Variants in IGSF11 observed in about 807,000 individuals in gnomAD.
IGSF11 encodes the protein immunoglobulin superfamily member 11, also known as CXADR like 1.
A neutral mutation model predicts 41.0 loss-of-function variants in IGSF11; 22 were observed. That is an observed-to-expected ratio of 0.54 (90% CI 0.38 to 0.77). The LOEUF is 0.77. Among genes scored for constraint, IGSF11 ranks in the 30% least tolerant of loss-of-function variants. The pLI, the probability that IGSF11 is intolerant of heterozygous loss-of-function variation, is 0.00. For missense variants in IGSF11, 444 were observed against 530.8 expected (o/e 0.84, Z 1.61); for synonymous variants, 219 against 201.3 (o/e 1.09, Z -0.74).
chr3:119,124,018 G>T (rs1228809998), intron 1 of IGSF11, among the ~76,000 whole-genome samples: 1 of 152,022 alleles, frequency 6.6e-6, no homozygotes, highest in East Asian at 1.9e-4. Context: ...GCTAAATAAG[G>T]CACCAGGGAC....
chr3:118,913,651 G>A (rs973221730), intron 4 of IGSF11, among the ~76,000 whole-genome samples: 2 of 152,164 alleles, frequency 1.3e-5, no homozygotes, highest in Non-Finnish European at 2.9e-5. Context: ...ACCTACTGAA[G>A]GGTGTGTGTA....
Position 118,902,745 on chromosome 3 carries a change from AATGG to A in IGSF11, c.1067_1070del (p.Ser356PhefsTer17), listed in dbSNP as rs771304707. On this transcript the variant is annotated frameshift_variant, in exon 7 of 7. Coordinates refer to ENST00000393775, the MANE Select transcript of IGSF11 (RefSeq NM_001015887.3). LOFTEE classifies it high-confidence loss of function. Reference sequence around the variant, plus strand: ...GGACCAGATGGGTCCCATTAGCATAAATGGATGGTATGTTGGCATTGCCTGAGTG... The same window carrying A: ...GGACCAGATGGGTCCCATTAGCATAAATGGTATGTTGGCATTGCCTGAGTG... 6.2e-7 allele frequency: 1 copy of A among 1,614,116 alleles called. No individual in the cohort carries two copies. The highest frequency in any genetic ancestry group is 8.5e-7 in the Non-Finnish European group (1 of 1,179,996).
At chr3:119,121,281 CAAAGAGGTAAAGGAACCATGAGT>C (rs2077330730) in intron 1 of IGSF11, among the ~76,000 whole-genome samples, 1 of 151,858 alleles carries the variant, frequency 6.6e-6, no homozygotes, top group African/African-American at 2.4e-5. Context: ...TTAATGTGTC[CAAAGAGGTAAAGGAACCATGAGT>C]AAAGAGCTAA....
At chr3:118,916,674 C>T (rs1159369101) in intron 4 of IGSF11, among the ~76,000 whole-genome samples, 9 of 151,762 alleles carry the variant, frequency 5.9e-5, no homozygotes, top group Admixed American at 1.3e-4. Flanking sequence ...TTTAACACCC[C>T]ACTGTCAACA....
At chr3:119,086,934 G>A (rs1367443847) in intron 1 of IGSF11, among the ~76,000 whole-genome samples, 1 of 152,168 alleles carries the variant, frequency 6.6e-6, no homozygotes, top group South Asian at 2.1e-4. Flanking sequence ...TGGGCCAAAA[G>A]CCCCACTTAA....
chr3:118,988,411 C>T (rs922910963), intron 1 of IGSF11, among the ~76,000 whole-genome samples: 93 of 152,264 alleles, frequency 6.1e-4, no homozygotes, highest in Admixed American at 5.2e-4. Flanking sequence ...CAGAGTCATA[C>T]AGTTAGTTGC....
intron 4 of IGSF11, among the ~76,000 whole-genome samples, chr3:118,917,349 A>G (rs1007688787): frequency 3.3e-5 from 5 of 150,770 alleles, no homozygotes; most frequent in Non-Finnish European, 7.4e-5. Context: ...AACAAAATTG[A>G]TAGACCACTA....
chr3:118,995,077 G>A (rs1011344897), intron 1 of IGSF11, among the ~76,000 whole-genome samples: 1 of 152,220 alleles, frequency 6.6e-6, no homozygotes, highest in Non-Finnish European at 1.5e-5. Flanking sequence ...CTATGCATAT[G>A]CTACAAATTT....
Position 119,034,609 on chromosome 3 carries a change from C to T in IGSF11, c.-27G>A, listed in dbSNP as rs1940762347. On this transcript the variant is annotated 5_prime_UTR_variant, in exon 1 of 7. Coordinates refer to ENST00000393775, the MANE Select transcript of IGSF11 (RefSeq NM_001015887.3). ...CCGGGGCCGCAGGGAGCGCGCCTGCCTCCTACCCGGCTCCCGGTCGCAACA... is the reference window on the plus strand; with the variant it reads ...CCGGGGCCGCAGGGAGCGCGCCTGCTTCCTACCCGGCTCCCGGTCGCAACA... 1.9e-6 allele frequency: 3 copies of T among 1,570,478 alleles called. No homozygotes were observed. The highest frequency in any genetic ancestry group is 2.6e-6 in the Non-Finnish European group (3 of 1,160,000).
At chr3:119,083,443 T>C (rs2076617179) in intron 1 of IGSF11, among the ~76,000 whole-genome samples, 1 of 151,960 alleles carries the variant, frequency 6.6e-6, no homozygotes, top group African/African-American at 2.4e-5. Flanking sequence ...CCTCCTTTCC[T>C]ATCCCTCCTG....
intron 1 of IGSF11, among the ~76,000 whole-genome samples, chr3:119,015,393 C>A (rs1938574488): frequency 6.6e-6 from 1 of 152,206 alleles, no homozygotes. Flanking sequence ...CCCACTACAA[C>A]CCTGTCACTT....
intron 1 of IGSF11, 69 bp from the exon 2 acceptor site, chr3:118,930,344 T>A (rs1279699666): frequency 1.7e-5 from 25 of 1,447,112 alleles, no homozygotes; most frequent in Admixed American, 2.3e-5. Flanking sequence ...TTCAGGAAGG[T>A]TTGCGTGTTT....
chr3:119,066,164 G>A (rs951064940), intron 1 of IGSF11, among the ~76,000 whole-genome samples: 3 of 152,074 alleles, frequency 2.0e-5, no homozygotes, highest in Non-Finnish European at 4.4e-5. Context: ...GCAGACAACA[G>A]TTAGGGCCCA....
At chr3:119,118,367 A>AG in intron 1 of IGSF11, among the ~76,000 whole-genome samples, 1 of 152,222 alleles carries the variant, frequency 6.6e-6, no homozygotes, top group South Asian at 2.1e-4. Context: ...ACCACATGGA[A>AG]GTTGCCAAGG....
intron 5 of IGSF11, 123 bp from the exon 6 acceptor site, chr3:118,904,921 A>G: frequency 1.3e-6 from 1 of 761,668 alleles, no homozygotes; most frequent in Non-Finnish European, 2.0e-6. Context: ...AAAACTCTCT[A>G]AAATCTTTCA....
At chr3:119,094,439 C>A (rs892819613) in intron 1 of IGSF11, among the ~76,000 whole-genome samples, 1 of 151,648 alleles carries the variant, frequency 6.6e-6, no homozygotes, top group Non-Finnish European at 1.5e-5. Flanking sequence ...GGAAAGATAA[C>A]AAGCAATTAG....
intron 1 of IGSF11, among the ~76,000 whole-genome samples, chr3:119,001,217 C>T (rs890776025): frequency 3.3e-5 from 5 of 150,136 alleles, no homozygotes; most frequent in Admixed American, 6.6e-5. Context: ...TCCCTTTCCT[C>T]TCCATATTTC....
upstream of IGSF11, among the ~76,000 whole-genome samples, chr3:119,105,724 T>C (rs150419624): frequency 2.6e-5 from 4 of 152,186 alleles, no homozygotes; most frequent in African/African-American, 9.7e-5. Context: ...GCTTGCAAGA[T>C]GGCATTTACT....
intron 1 of IGSF11, among the ~76,000 whole-genome samples, chr3:119,061,354 C>G (rs1311207716): frequency 6.6e-6 from 1 of 152,136 alleles, no homozygotes; most frequent in African/African-American, 2.4e-5. Flanking sequence ...TGGACTATAT[C>G]AAGTACCTCT....
Sources: allele counts gnomAD v4.1 joint callset (sites outside exome capture counted in the v4.1 genomes callset), GRCh38; gene constraint gnomAD v4.1.1; transcripts MANE v1.5; gene names NCBI Gene and HGNC (gene_info 2026-07-23, HGNC 2026-07-21).